The following GALNT13 variants were observed in gnomAD, a reference collection of about 807,000 sequenced individuals.
GALNT13 encodes the protein polypeptide N-acetylgalactosaminyltransferase 13, also known as UDP-GalNAc:polypeptide N-acetylgalactosaminyltransferase 13.
In GALNT13, 28 loss-of-function variants were observed where a neutral mutation model predicts 64.2. The ratio of observed to expected loss-of-function variants is 0.44; its 90% CI spans 0.32 to 0.60. GALNT13 has a LOEUF of 0.60. Ranked by LOEUF, GALNT13 falls within the 20% of genes least tolerant of loss-of-function variation. The pLI is 0.05. For synonymous variants in GALNT13, 214 were observed against 224.6 expected (o/e 0.95, Z 0.42); for missense variants, 577 against 669.8 (o/e 0.86, Z 1.53).
chr2:154,167,016 T>C (rs1264059637), intron 4 of GALNT13, among the ~76,000 whole-genome samples: 2 of 152,026 alleles, frequency 1.3e-5, no homozygotes, highest in Admixed American at 6.6e-5. Flanking sequence ...TTAGGAGATA[T>C]ACCTAATGTA....
chr2:154,393,966 T>G (rs1260793929), intron 9 of GALNT13, among the ~76,000 whole-genome samples: 3 of 145,818 alleles, frequency 2.1e-5, no homozygotes, highest in African/African-American at 5.1e-5. Flanking sequence ...TAGTCCCAGC[T>G]ACTTGGGAGG....
chr2:153,127,636 GTTATGTT>G, the GALNT13 span, among the ~76,000 whole-genome samples: 2 of 152,030 alleles, frequency 1.3e-5, no homozygotes, highest in African/African-American at 4.8e-5. Context: ...TCATCTTCTA[GTTATGTT>G]TGACTCCTGG....
chr2:154,370,089 T>C (rs1697596142), intron 9 of GALNT13, among the ~76,000 whole-genome samples: 1 of 152,170 alleles, frequency 6.6e-6, no homozygotes, highest in African/African-American at 2.4e-5. Context: ...TGAAAGACTC[T>C]ATTTTCAAAT....
chr2:153,439,147 C>A, the GALNT13 span, among the ~76,000 whole-genome samples: 1 of 152,116 alleles, frequency 6.6e-6, no homozygotes, highest in Non-Finnish European at 1.5e-5. Flanking sequence ...TATTGGTGAA[C>A]CGCAAATGCT....
At chr2:154,114,658 T>C (rs1395213472) in intron 3 of GALNT13, among the ~76,000 whole-genome samples, 3 of 152,120 alleles carry the variant, frequency 2.0e-5, no homozygotes, top group African/African-American at 7.2e-5. Flanking sequence ...AGTCTGGAAA[T>C]TGATTGAGGG....
intron 11 of GALNT13, among the ~76,000 whole-genome samples, chr2:154,413,426 A>G (rs989548838): frequency 6.6e-6 from 1 of 151,956 alleles, no homozygotes; most frequent in Non-Finnish European, 1.5e-5. Context: ...CATTATTTTC[A>G]TAACTCATAA....
At chr2:153,663,115 A>G in the GALNT13 span, among the ~76,000 whole-genome samples, 1 of 152,194 alleles carries the variant, frequency 6.6e-6, no homozygotes, top group Non-Finnish European at 1.5e-5. Flanking sequence ...AATAAACTCC[A>G]GTTGCTTTCT....
At chr2:154,098,559 A>T (rs1702189661) in intron 3 of GALNT13, among the ~76,000 whole-genome samples, 1 of 152,046 alleles carries the variant, frequency 6.6e-6, no homozygotes, top group Non-Finnish European at 1.5e-5. Context: ...AATAGTGAGC[A>T]TTGTACCCAA....
the GALNT13 span, among the ~76,000 whole-genome samples, chr2:153,319,291 A>G: frequency 2.0e-5 from 3 of 152,170 alleles, no homozygotes; most frequent in Admixed American, 1.3e-4. Context: ...CTAAGATACA[A>G]GGTCTCAAGG....
the GALNT13 span, chr2:153,478,438 T>G: frequency 6.2e-7 from 1 of 1,613,932 alleles, no homozygotes; most frequent in Non-Finnish European, 8.5e-7. Context: ...CGGGCCTCCC[T>G]CCGCGAAGCC....
the GALNT13 span, among the ~76,000 whole-genome samples, chr2:153,806,011 C>A: frequency 6.6e-6 from 1 of 151,948 alleles, no homozygotes; most frequent in Non-Finnish European, 1.5e-5. Context: ...ATATTCCTAG[C>A]TTTCCTACCA....
the GALNT13 span, among the ~76,000 whole-genome samples, chr2:153,854,651 TA>T: frequency 1.3e-5 from 2 of 152,122 alleles, no homozygotes; most frequent in East Asian, 3.9e-4. Context: ...CAACTTCAAA[TA>T]TAATTAAAAT....
intron 3 of GALNT13, among the ~76,000 whole-genome samples, chr2:153,985,144 ATTT>A (rs1180696770): frequency 6.6e-6 from 1 of 152,016 alleles, no homozygotes; most frequent in Non-Finnish European, 1.5e-5. Flanking sequence ...ACCAACTATT[ATTT>A]TTATTATCAG....
chr2:153,717,424 G>C, the GALNT13 span, among the ~76,000 whole-genome samples: 2 of 152,122 alleles, frequency 1.3e-5, no homozygotes, highest in Non-Finnish European at 2.9e-5. Flanking sequence ...AACTCTTGCA[G>C]GATACCAATT....
chr2:154,212,443 C>T (rs1488236051), intron 4 of GALNT13, among the ~76,000 whole-genome samples: 1 of 152,012 alleles, frequency 6.6e-6, no homozygotes, highest in African/African-American at 2.4e-5. Context: ...AAGGTTTCAC[C>T]GTATTTGTCA....
the GALNT13 span, among the ~76,000 whole-genome samples, chr2:153,697,104 G>T: frequency 6.6e-6 from 1 of 152,152 alleles, no homozygotes; most frequent in Non-Finnish European, 1.5e-5. Context: ...GATTTCAGAG[G>T]TAGTTCCTCA....
At chr2:153,632,466 T>A in the GALNT13 span, among the ~76,000 whole-genome samples, 4 of 152,162 alleles carry the variant, frequency 2.6e-5, no homozygotes, top group African/African-American at 9.7e-5. Context: ...CATTGCAGTA[T>A]CATATACAAT....
intron 3 of GALNT13, among the ~76,000 whole-genome samples, chr2:154,119,610 TC>T: frequency 7.9e-6 from 1 of 125,916 alleles, no homozygotes; most frequent in African/African-American, 3.5e-5. Context: ...CTTTCTTTAT[TC>T]TTTTTTATTC....
At chr2:153,824,510 A>T in the GALNT13 span, among the ~76,000 whole-genome samples, 2 of 152,138 alleles carry the variant, frequency 1.3e-5, no homozygotes, top group Non-Finnish European at 2.9e-5. Flanking sequence ...TGGGCATATG[A>T]CCCTGGGATC....
Sources: allele counts gnomAD v4.1 joint callset (sites outside exome capture counted in the v4.1 genomes callset), GRCh38; gene constraint gnomAD v4.1.1; transcripts MANE v1.5; gene names NCBI Gene and HGNC (gene_info 2026-07-23, HGNC 2026-07-21).